PDZD2: variants seen among roughly 807,000 people sequenced by gnomAD.
The protein encoded by PDZD2 is PDZ domain containing 2, also known as PDZ domain-containing protein 2.
PDZD2 carries 90 observed loss-of-function variants against 220.7 expected under a neutral mutation model. The observed-to-expected ratio is 0.41, with a 90% CI of 0.34 to 0.49. PDZD2 has a LOEUF of 0.49. PDZD2 is among the 20% of genes least tolerant of loss of function. The pLI, the probability that PDZD2 is intolerant of heterozygous loss-of-function variation, is 0.28. For missense variants in PDZD2, 3,174 were observed against 3,608.5 expected (o/e 0.88, Z 3.08); for synonymous variants, 1,375 against 1,450.5 (o/e 0.95, Z 1.18).
rs142467401 is a variant in PDZD2, at chr5:32,057,973, C to T, written c.2070C>T (p.Ser690=). ...CGACACCCACACACATGAGCAGATCCGCCTCCCCGAACTTCAATACCAGTG... is the reference window on the plus strand; with the variant it reads ...CGACACCCACACACATGAGCAGATCTGCCTCCCCGAACTTCAATACCAGTG... ...PCSTPTHMSR[S]ASPNFNTSGG... is the part of the protein sequence containing the mutation. The change falls in exon 12 of 25, where the codon TCC becomes TCT. Residue 690 remains serine (S), a synonymous_variant. Transcript: ENST00000438447. The T allele has an allele frequency of 1.4e-4, 229 of 1,613,468 alleles. No homozygotes were observed. The Middle Eastern group carries it at 2.5e-3, about 17-fold the overall frequency.
At position 31,822,751 on chromosome 5, in the gene PDZD2, C is replaced by G; in HGVS notation, c.476+23027C>G. On this transcript the variant is annotated intron_variant, in intron 2 of 24. Transcript: ENST00000438447. ...AGATACTGAACAAGGAACACCTGGC[C>G]TCATCCAAATCCTGCAGATGTATTT... 2.6e-6 allele frequency: 3 copies of G among 1,134,790 alleles called. No homozygotes were observed. The South Asian group carries it at 3.7e-5, about 14-fold the overall frequency. The allele number at this position is 1,134,790 out of a possible 1,614,324, so 70.3% of individuals were successfully genotyped here. A position where few individuals can be genotyped will look rare whatever the true frequency, so the allele number is the denominator to read the frequency against.
chr5:32,020,943 G>A (rs1303011380), intron 6 of PDZD2, among the ~76,000 whole-genome samples: 3 of 152,006 alleles, frequency 2.0e-5, no homozygotes, highest in Non-Finnish European at 4.4e-5. Context: ...ACTGCACCTG[G>A]CCAACAAAAT....
intron 2 of PDZD2, among the ~76,000 whole-genome samples, chr5:31,944,603 AC>A (rs1746474254): frequency 6.6e-6 from 1 of 152,230 alleles, no homozygotes; most frequent in South Asian, 2.1e-4. Context: ...ATCCCAGAAG[AC>A]AGACTTCGCC....
intron 7 of PDZD2, among the ~76,000 whole-genome samples, chr5:32,040,979 T>C (rs1269634958): frequency 3.7e-5 from 5 of 136,048 alleles, no homozygotes; most frequent in African/African-American, 1.4e-4. Flanking sequence ...GGCCACCCCG[T>C]CTGGGAGGTG....
At chr5:31,917,338 A>G (rs1743780049) in intron 2 of PDZD2, among the ~76,000 whole-genome samples, 1 of 152,170 alleles carries the variant, frequency 6.6e-6, no homozygotes, top group Non-Finnish European at 1.5e-5. Context: ...GCTTGAGGCC[A>G]GCCTGGGCAA....
intron 1 of PDZD2, among the ~76,000 whole-genome samples, chr5:31,702,716 C>T (rs987511237): frequency 6.6e-6 from 1 of 152,190 alleles, no homozygotes; most frequent in South Asian, 2.1e-4. Flanking sequence ...GCCAGAAGAC[C>T]CAGTGTTTCT....
intron 6 of PDZD2, among the ~76,000 whole-genome samples, chr5:32,025,077 C>G (rs1216775511): frequency 1.3e-5 from 2 of 152,116 alleles, no homozygotes. Flanking sequence ...CTTAAAGAAG[C>G]GCCTGCCCTT....
chr5:31,980,168 C>G (rs1750175626), intron 2 of PDZD2, among the ~76,000 whole-genome samples: 1 of 152,176 alleles, frequency 6.6e-6, no homozygotes, highest in Non-Finnish European at 1.5e-5. Context: ...TCCTTCACCC[C>G]CACAAAACCC....
chr5:32,026,168 G>T (rs534647469), intron 6 of PDZD2, among the ~76,000 whole-genome samples: 2 of 145,376 alleles, frequency 1.4e-5, no homozygotes, highest in East Asian at 4.0e-4. Context: ...ACAGTGTCTG[G>T]CTCTGTCACC....
rs528802544 is a variant in PDZD2, at chr5:32,047,220, A to T, written c.1520-1319A>T. 1.3e-4 allele frequency among the ~76,000 whole-genome samples: 19 copies of T among 150,580 alleles called. No homozygotes were observed. The South Asian group carries it at 4.0e-3, about 32-fold the overall frequency. Reference sequence around the variant, plus strand: ...CTTGATCTCGTTAGTCATCAGTGAAATGCAATTTAAAAAAAACAAATGAAT... The same window carrying T: ...CTTGATCTCGTTAGTCATCAGTGAATTGCAATTTAAAAAAAACAAATGAAT... On this transcript the variant is annotated intron_variant, in intron 7 of 24. Coordinates refer to ENST00000438447, the MANE Select transcript of PDZD2 (RefSeq NM_178140.4).
intron 2 of PDZD2, among the ~76,000 whole-genome samples, chr5:31,850,026 T>A (rs1268953564): frequency 4.8e-5 from 3 of 63,074 alleles, no homozygotes; most frequent in African/African-American, 1.5e-4. Flanking sequence ...ACGTATATAC[T>A]CATATATACA....
chr5:31,670,880 C>A (rs775497802), intron 1 of PDZD2, among the ~76,000 whole-genome samples: 1 of 152,012 alleles, frequency 6.6e-6, no homozygotes, highest in Non-Finnish European at 1.5e-5. Flanking sequence ...GGGCTCAAGC[C>A]CTCTGTGGAT....
In PDZD2 at chr5:32,090,510, G is replaced by A. The variant is rs764121690; in HGVS notation, c.7062G>A (p.Lys2354=). 1.9e-6 allele frequency: 3 copies of A among 1,614,020 alleles called. No individual in the cohort carries two copies. The highest frequency in any genetic ancestry group is 2.2e-5 in the South Asian group (2 of 91,080). The change falls in exon 20 of 25, where the codon AAG becomes AAA. Residue 2354 remains lysine (K), a synonymous_variant. Coordinates refer to ENST00000438447, the MANE Select transcript of PDZD2 (RefSeq NM_178140.4). This position sits in a 1 kb window ranked among gnomAD's most constrained non-coding sequence, Gnocchi z 4.3. ...NLANADRPVA[K]SGASPFLSVS... is the part of the protein sequence containing the mutation. ...CCAATGCTGACCGGCCTGTAGCCAA[G>A]TCCGGGGCTTCCCCATTTTTGTCGG...
At chr5:32,095,903 GC>G (rs1297343376) in intron 21 of PDZD2, among the ~76,000 whole-genome samples, 2 of 145,000 alleles carry the variant, frequency 1.4e-5, no homozygotes, top group Admixed American at 6.8e-5. Flanking sequence ...ACCATGCCCG[GC>G]TTTTTTTTTT....
At chr5:32,095,678 T>C (rs1743600676) in intron 21 of PDZD2, among the ~76,000 whole-genome samples, 1 of 148,718 alleles carries the variant, frequency 6.7e-6, no homozygotes, top group African/African-American at 2.5e-5. Flanking sequence ...ATTGAAATTT[T>C]TGTGATTTAA....
intron 2 of PDZD2, among the ~76,000 whole-genome samples, chr5:31,938,311 G>T (rs1745932974): frequency 6.6e-6 from 1 of 152,328 alleles, no homozygotes; most frequent in Non-Finnish European, 1.5e-5. Context: ...ATGGGCTCTT[G>T]TTTGGGAAAC....
At chr5:31,735,615 C>T (rs1749812985) in intron 1 of PDZD2, among the ~76,000 whole-genome samples, 1 of 152,020 alleles carries the variant, frequency 6.6e-6, no homozygotes, top group African/African-American at 2.4e-5. Flanking sequence ...GCTTGGCAAA[C>T]ATGGCGAAAC....
chr5:31,805,265 A>G (rs970228584), intron 2 of PDZD2, among the ~76,000 whole-genome samples: 23 of 152,260 alleles, frequency 1.5e-4, no homozygotes, highest in African/African-American at 5.1e-4. Context: ...AGCTCTAGCC[A>G]GAGCTTTGGG....
intron 2 of PDZD2, among the ~76,000 whole-genome samples, chr5:31,929,527 G>C (rs1203520238): frequency 6.6e-6 from 1 of 152,188 alleles, no homozygotes; most frequent in Non-Finnish European, 1.5e-5. Context: ...AGAACCACTG[G>C]CATATGTGAA....
Sources: gnomAD v4.1 joint callset for allele counts (sites outside exome capture counted in the v4.1 genomes callset) on GRCh38, gnomAD v4.1.1 for gene constraint, Gnocchi (gnomAD v3.1) non-coding constraint, MANE v1.5 for transcripts, NCBI Gene and HGNC (gene_info 2026-07-23, HGNC 2026-07-21) for gene names.